Variants in ERC1 observed in about 807,000 individuals in gnomAD.
ERC1 encodes ELKS/RAB6-interacting/CAST family member 1.
Under a neutral mutation model 132.0 loss-of-function variants are expected in ERC1, and 56 were observed. The observed-to-expected ratio is 0.42, with a 90% confidence interval of 0.34 to 0.53. ERC1 has a LOEUF of 0.53. Ranked by LOEUF, ERC1 falls within the 20% of genes least tolerant of loss-of-function variation. ERC1 has a pLI of 0.03. For synonymous variants in ERC1, 478 were observed against 476.1 expected (o/e 1.00, Z -0.05); for missense variants, 1,202 against 1,349.9 (o/e 0.89, Z 1.72).
intron 8 of ERC1, among the ~76,000 whole-genome samples, chr12:1,147,967 T>G (rs1407924574): frequency 6.6e-6 from 1 of 152,204 alleles, no homozygotes; most frequent in Non-Finnish European, 1.5e-5. Context: ...TTGCTCTCAT[T>G]CTATAAGGAT....
At chr12:1,470,521 C>T (rs1358333730) in intron 18 of ERC1, among the ~76,000 whole-genome samples, 6 of 151,658 alleles carry the variant, frequency 4.0e-5, no homozygotes, top group East Asian at 1.9e-4. Context: ...ATACGCTAGG[C>T]GGACTAGCTA....
chr12:1,405,892 T>A (rs2091455820), intron 16 of ERC1, among the ~76,000 whole-genome samples: 1 of 151,936 alleles, frequency 6.6e-6, no homozygotes, highest in African/African-American at 2.4e-5. Flanking sequence ...TTCTAAAGTT[T>A]CTAAAAAAAA....
chr12:1,104,975 A>C (rs1275161850), intron 4 of ERC1, 151 bp downstream of exon 4: 7 of 572,844 alleles, frequency 1.2e-5, no homozygotes, highest in Non-Finnish European at 2.2e-5. Flanking sequence ...GACATCTTAA[A>C]AGAATTTCAG....
intron 12 of ERC1, among the ~76,000 whole-genome samples, chr12:1,221,283 C>A (rs1399471471): frequency 2.0e-5 from 3 of 152,106 alleles, no homozygotes; most frequent in Non-Finnish European, 4.4e-5. Flanking sequence ...CAAAACACTT[C>A]AGTAAACATT....
chr12:1,194,879 G>A (rs1435001910), intron 12 of ERC1, among the ~76,000 whole-genome samples: 1 of 150,010 alleles, frequency 6.7e-6, no homozygotes, highest in Non-Finnish European at 1.5e-5. Context: ...AAGATTAATA[G>A]GAATTGTGGA....
At chr12:1,434,140 C>T (rs1425264731) in intron 17 of ERC1, among the ~76,000 whole-genome samples, 4 of 152,086 alleles carry the variant, frequency 2.6e-5, no homozygotes, top group Admixed American at 2.6e-4. Flanking sequence ...TCATTTCACT[C>T]TTTAATCTGT....
At chr12:1,165,068 G>A (rs532750898) in intron 8 of ERC1, among the ~76,000 whole-genome samples, 5 of 152,320 alleles carry the variant, frequency 3.3e-5, no homozygotes, top group African/African-American at 9.6e-5. Context: ...TTACCACAGA[G>A]TATAAATGTA....
chr12:1,210,938 T>A (rs1957807842), intron 12 of ERC1, among the ~76,000 whole-genome samples: 1 of 150,634 alleles, frequency 6.6e-6, no homozygotes, highest in South Asian at 2.1e-4. Context: ...GAGGTTGCAG[T>A]GAGCTGAGAT....
intron 1 of ERC1, among the ~76,000 whole-genome samples, chr12:1,012,617 C>T (rs1964880869): frequency 6.6e-6 from 1 of 151,604 alleles, no homozygotes; most frequent in African/African-American, 2.4e-5. Context: ...GGACTACAGG[C>T]CCAGCTAATT....
At chr12:1,354,206 C>A (rs2085305301) in intron 15 of ERC1, among the ~76,000 whole-genome samples, 1 of 151,988 alleles carries the variant, frequency 6.6e-6, no homozygotes, top group Admixed American at 6.6e-5. Flanking sequence ...TCCCCAGATT[C>A]ATAAGGTTGA....
At chr12:1,435,955 A>G (rs2092934949) in intron 17 of ERC1, among the ~76,000 whole-genome samples, 1 of 152,144 alleles carries the variant, frequency 6.6e-6, no homozygotes, top group Non-Finnish European at 1.5e-5. Flanking sequence ...TAAGCACTCT[A>G]ATGAGAAGCT....
intron 3 of ERC1, among the ~76,000 whole-genome samples, chr12:1,095,565 A>T (rs994250390): frequency 1.3e-5 from 2 of 151,780 alleles, no homozygotes; most frequent in African/African-American, 4.9e-5. Flanking sequence ...AGACAAATAG[A>T]CTATATAACA....
chr12:1,203,543 C>T (rs1957103072), intron 12 of ERC1, among the ~76,000 whole-genome samples: 1 of 152,180 alleles, frequency 6.6e-6, no homozygotes, highest in African/African-American at 2.4e-5. Context: ...CAAGACATCA[C>T]TAAGTCTTAG....
intron 2 of ERC1, among the ~76,000 whole-genome samples, chr12:1,076,227 G>C (rs1210514416): frequency 6.6e-6 from 1 of 152,024 alleles, no homozygotes; most frequent in Non-Finnish European, 1.5e-5. Context: ...AAAGATTCTT[G>C]TTGACTGTTG....
At chr12:1,401,761 AAAAAAG>A (rs1346297273) in intron 16 of ERC1, among the ~76,000 whole-genome samples, 16 of 151,824 alleles carry the variant, frequency 1.1e-4, no homozygotes, top group East Asian at 3.9e-4. Context: ...AAAAAAAAAA[AAAAAAG>A]AGTATTTTTA....
chr12:1,303,694 G>A (rs945647959), intron 15 of ERC1, among the ~76,000 whole-genome samples: 4 of 151,584 alleles, frequency 2.6e-5, no homozygotes, highest in South Asian at 2.1e-4. Context: ...GGTGGCTCAC[G>A]TCTGTAATCC....
At chr12:1,208,978 T>C (rs1272773756) in intron 12 of ERC1, among the ~76,000 whole-genome samples, 2 of 136,406 alleles carry the variant, frequency 1.5e-5, no homozygotes, top group Non-Finnish European at 3.1e-5. Context: ...TTTTTTTTTT[T>C]TTTTTTTTGA....
intron 5 of ERC1, among the ~76,000 whole-genome samples, chr12:1,110,803 A>G (rs962929998): frequency 1.3e-5 from 2 of 152,110 alleles, no homozygotes; most frequent in Non-Finnish European, 2.9e-5. Context: ...TCCATGTTCA[A>G]GTGATTTTCC....
chr12:1,261,112 T>C (rs974221521), intron 13 of ERC1, among the ~76,000 whole-genome samples: 4 of 152,196 alleles, frequency 2.6e-5, no homozygotes, highest in East Asian at 1.9e-4. Context: ...AAGTTTTTTA[T>C]TGATACAGCC....
Sources: allele counts gnomAD v4.1 joint callset (sites outside exome capture counted in the v4.1 genomes callset), GRCh38; gene constraint gnomAD v4.1.1; transcripts MANE v1.5; gene names NCBI Gene and HGNC (gene_info 2026-07-23, HGNC 2026-07-21).